Variants in KRT39 observed in about 807,000 individuals in gnomAD.
KRT39 encodes keratin 39.
A neutral mutation model predicts 54.8 loss-of-function variants in KRT39; 47 were observed. That is an observed-to-expected ratio of 0.86 (90% CI 0.68 to 1.09). The LOEUF is 1.09. KRT39 is among the 50% of genes least tolerant of loss of function. KRT39 has a pLI of 0.00. For missense variants in KRT39, 580 were observed against 598.5 expected (o/e 0.97, Z 0.32); for synonymous variants, 207 against 227.9 (o/e 0.91, Z 0.83).
Position 40,958,840 on chromosome 17 carries a change from C to T in KRT39, c.1237G>A (p.Ala413Thr), listed in dbSNP as rs766961418. The change falls in exon 7 of 7, where the codon GCC becomes ACC. Residue 413 changes from alanine to threonine, a missense_variant. Transcript: ENST00000355612. ...SDGKRPCYPR[A>T]TKCEPSPWTS... ...CAAGGGGAAGGCTCACATTTGGTGGCACGTGGGTAACAGGGACGCCTAAGG... is the reference window on the plus strand; with the variant it reads ...CAAGGGGAAGGCTCACATTTGGTGGTACGTGGGTAACAGGGACGCCTAAGG... The T allele has an allele frequency of 1.2e-6, 2 of 1,604,548 alleles. No homozygotes were observed. The highest frequency in any genetic ancestry group is 1.7e-6 in the Non-Finnish European group (2 of 1,175,304).
rs373687392 is a variant in KRT39 at position 40,964,511 on chromosome 17, G to A, written c.486C>T (p.Ala162=). 1.4e-5 allele frequency: 23 copies of A among 1,612,876 alleles called. No homozygotes were observed. The African/African-American group carries it at 1.9e-4, about 13-fold the overall frequency. The change falls in exon 2 of 7, where the codon GCC becomes GCT. Residue 162 remains alanine (A), a synonymous_variant. Coordinates refer to ENST00000355612, the MANE Select transcript of KRT39 (RefSeq NM_213656.4). ...TTTGCGAGACCAGTCTGGAATTCTC[G>A]GCCTTGGTACACAAGATCTAGAATT... ...ELQQKILCTK[A]ENSRLVSQID...
Position 40,958,563 on chromosome 17 carries a change from G to T in KRT39, c.*38C>A, listed in dbSNP as rs1279525645. 19 of 1,564,804 alleles carry T rather than the reference G, an allele frequency of 1.2e-5. No homozygotes were observed. Among genetic ancestry groups the T allele is most frequent in the Non-Finnish European group, 1.6e-5 (19 of 1,155,678 alleles). ...CTGGCAGGAGCATGTATTGGCCTCT[G>T]TTTCATAAATGTGGGTCATTTTCAT... On this transcript the variant is annotated 3_prime_UTR_variant, in exon 7 of 7. Transcript: ENST00000355612.
chr17:40,959,201 C>T (rs1036156765), intron 6 of KRT39, among the ~76,000 whole-genome samples: 3 of 152,206 alleles, frequency 2.0e-5, no homozygotes, highest in African/African-American at 7.2e-5. Context: ...TCATTTAACG[C>T]ACTCAACCTT....
rs558368832 is a variant in KRT39, at chr17:40,960,227, T to C, written c.1217+54A>G. 1,031 of 1,482,918 alleles carry C rather than the reference T, an allele frequency of 7.0e-4. 2 individuals carry two copies. Among genetic ancestry groups the C allele is most frequent in the Non-Finnish European group, 9.2e-4 (987 of 1,073,710 alleles). 91.9% of individuals were successfully genotyped at this position (1,482,918 alleles called of 1,614,324 possible). A position where few individuals can be genotyped will look rare whatever the true frequency, so the allele number is the denominator to read the frequency against. On this transcript the variant is annotated intron_variant, in intron 6 of 6. Transcript: ENST00000355612. ...CCCCTGTTGCCAGTGGCAGTACATA[T>C]ATCTGCGTTCATTTACACTTTTTTG...
intron 6 of KRT39, 81 bp downstream of exon 6, chr17:40,960,200 G>T: frequency 8.1e-7 from 1 of 1,235,310 alleles, no homozygotes; most frequent in South Asian, 1.3e-5. Flanking sequence ...CAAAGCACTT[G>T]ACCCCTGTTG....
Position 40,958,506 on chromosome 17 carries a change from C to T in KRT39, c.*95G>A. The T allele has an allele frequency of 1.4e-6, 2 of 1,424,468 alleles. No individual in the cohort carries two copies. The highest frequency in any genetic ancestry group is 1.9e-6 in the Non-Finnish European group (2 of 1,055,014). The allele number at this position is 1,424,468 out of a possible 1,614,324, so 88.2% of individuals were successfully genotyped here. ...GCTGTAGTAGTAAGAAACTAAGTACCTTAAGGGACTGGGGAGTTTTCTTAA... is the reference window on the plus strand; with the variant it reads ...GCTGTAGTAGTAAGAAACTAAGTACTTTAAGGGACTGGGGAGTTTTCTTAA... On this transcript the variant is annotated 3_prime_UTR_variant, in exon 7 of 7. Transcript: ENST00000355612.
chr17:40,961,712 C>T (rs1911158269), intron 5 of KRT39, among the ~76,000 whole-genome samples: 2 of 152,256 alleles, frequency 1.3e-5, no homozygotes, highest in South Asian at 4.1e-4. Context: ...CTGTAACATT[C>T]GTTAATAATT....
In KRT39 at chr17:40,963,496, A is replaced by G. The variant is rs957851521; in HGVS notation, c.708+131T>C. 8 of 774,894 alleles carry G rather than the reference A, an allele frequency of 1.0e-5. No homozygotes were observed. The African/African-American group carries it at 1.2e-4, about 12-fold the overall frequency. The allele number at this position is 774,894 out of a possible 1,614,324, so 48.0% of individuals were successfully genotyped here. Reference sequence around the variant, plus strand: ...TGTCCTTTATAAATTACCTACTCTCAGTTATTTCTTTATAGCAGTGTGAGA... The same window carrying G: ...TGTCCTTTATAAATTACCTACTCTCGGTTATTTCTTTATAGCAGTGTGAGA... On this transcript the variant is annotated intron_variant, in intron 3 of 6. Coordinates refer to ENST00000355612, the MANE Select transcript of KRT39 (RefSeq NM_213656.4).
At chr17:40,964,757 TTTG>T (rs1216902514) in intron 1 of KRT39, among the ~76,000 whole-genome samples, 6 of 136,832 alleles carry the variant, frequency 4.4e-5, no homozygotes, top group Non-Finnish European at 9.2e-5. Flanking sequence ...AAGTATTTTT[TTTG>T]TTGTTGTTGT....
intron 2 of KRT39, 169 bp downstream of exon 2, chr17:40,964,277 G>A (rs759253433): frequency 1.5e-6 from 1 of 653,950 alleles, no homozygotes; most frequent in Non-Finnish European, 2.8e-6. Flanking sequence ...GTATACATGT[G>A]AGCAGTTATT....
chr17:40,964,237 T>G (rs1360276602), intron 2 of KRT39: 7 of 560,436 alleles, frequency 1.2e-5, no homozygotes, highest in Non-Finnish European at 2.2e-5. Context: ...GGTAATCAAA[T>G]GGGTTCACAA....
rs756251039 is a variant in KRT39 at position 40,964,444 on chromosome 17, AC to A, written c.551+1del. 2.4e-5 allele frequency: 39 copies of A among 1,613,856 alleles called. No homozygotes were observed. Among genetic ancestry groups the A allele is most frequent in the Non-Finnish European group, 3.1e-5 (37 of 1,179,848 alleles). On this transcript the variant is annotated splice_donor_variant, in intron 2 of 6. Transcript: ENST00000355612. LOFTEE classifies it high-confidence loss of function. ...ATTGATGACGGTGTTGGGTGGGCTT[AC>A]TTGGCTCTCAAGTCATCTGCAGTCA...
At position 40,966,446 on chromosome 17, in the gene KRT39, A is replaced by G. The variant is rs1911399237; in HGVS notation, c.411T>C (p.Pro137=). ...KIQEESNKEL[P]VLCPDYLSYY... ...AAGACAGGTAATCAGGACATAGAAC[A>G]GGGAGCTCTTTGTTACTTTCTTCCT... Residue 137 remains proline (P), a synonymous_variant, in exon 1 of 7, where the codon CCT becomes CCC. Coordinates refer to ENST00000355612, the MANE Select transcript of KRT39 (RefSeq NM_213656.4). 6.2e-7 allele frequency: 1 copy of G among 1,614,078 alleles called. No individual in the cohort carries two copies. The highest frequency in any genetic ancestry group is 2.2e-5 in the East Asian group (1 of 44,900).
intron 5 of KRT39, 52 bp from the exon 6 acceptor site, chr17:40,960,553 C>A (rs1427871230): frequency 7.5e-7 from 1 of 1,331,470 alleles, no homozygotes; most frequent in South Asian, 1.2e-5. Context: ...AAGCCCAGGT[C>A]ACCTGTGACC....
Position 40,962,389 on chromosome 17 carries a change from C to T in KRT39, c.870+13G>A. 3 of 1,613,150 alleles carry T rather than the reference C, an allele frequency of 1.9e-6. No homozygotes were observed. The highest frequency in any genetic ancestry group is 2.5e-6 in the Non-Finnish European group (3 of 1,179,504). ...CATCAGCTTATTGTTTTTGACTTTT[C>T]TATATCCCCCACCTGCGTGTTGAAC... is the stretch of plus-strand genomic sequence containing the variant. On this transcript the variant is annotated intron_variant, in intron 4 of 6. Coordinates refer to ENST00000355612, the MANE Select transcript of KRT39 (RefSeq NM_213656.4).
chr17:40,958,814 C>T lies in KRT39; in HGVS notation c.1263G>A (p.Trp421Ter). ...PRATKCEPSP[W>*]TSCKSGAIES... is the part of the protein sequence containing the mutation. ...CTATGGCTCCGGACTTACAAGATGT[C>T]CAAGGGGAAGGCTCACATTTGGTGG... The change falls in exon 7 of 7, where the codon TGG (tryptophan) becomes TGA (stop). Residue 421 changes from tryptophan to a stop codon, truncating the protein, a stop_gained. Coordinates refer to ENST00000355612, the MANE Select transcript of KRT39 (RefSeq NM_213656.4). LOFTEE classifies it high-confidence loss of function. 1.2e-6 allele frequency: 2 copies of T among 1,612,252 alleles called. No individual in the cohort carries two copies. Among genetic ancestry groups the T allele is most frequent in the Non-Finnish European group, 1.7e-6 (2 of 1,179,192 alleles).
rs1174133600 is a variant in KRT39 at position 40,962,544 on chromosome 17, C to T, written c.728G>A (p.Cys243Tyr). 1.9e-6 allele frequency: 3 copies of T among 1,613,522 alleles called. No homozygotes were observed. The highest frequency in any genetic ancestry group is 3.3e-5 in the Admixed American group (2 of 59,864). Residue 243 changes from cysteine (C) to tyrosine (Y), a missense_variant, in exon 4 of 7, where the codon TGT becomes TAT. By Grantham distance (194) the Cys-to-Tyr change is radical. Coordinates refer to ENST00000355612, the MANE Select transcript of KRT39 (RefSeq NM_213656.4). ...AATGTCAAGTCTCTCCCCAAGCTGA[C>T]ACTGTAAAGAATTGATTTCCTAAGG... ...NHKEEINSLQ[C>Y]QLGERLDIEV... is the part of the protein sequence containing the mutation.
At chr17:40,960,617 C>A (rs1911115466) in intron 5 of KRT39, 116 bp from the exon 6 acceptor site, 1 of 712,978 alleles carries the variant, frequency 1.4e-6, no homozygotes, top group Non-Finnish European at 2.4e-6. Flanking sequence ...GATCTCCAAG[C>A]ACTTTATTTA....
rs1221586080 is a variant in KRT39, at chr17:40,964,528, T to A, written c.469A>T (p.Ile157Phe). 3.7e-6 allele frequency: 6 copies of A among 1,604,742 alleles called. No homozygotes were observed. Among genetic ancestry groups the A allele is most frequent in the Non-Finnish European group, 5.1e-6 (6 of 1,171,378 alleles). The change falls in exon 2 of 7, where the codon ATC becomes TTC. Residue 157 changes from isoleucine (I) to phenylalanine (F), a missense_variant and splice_region_variant. Coordinates refer to ENST00000355612, the MANE Select transcript of KRT39 (RefSeq NM_213656.4). ...YTTIEELQQK[I>F]LCTKAENSRL... ...GAATTCTCGGCCTTGGTACACAAGA[T>A]CTAGAATTAAGAGATTGTACACACA...
Sources: gnomAD v4.1 joint callset for allele counts (sites outside exome capture counted in the v4.1 genomes callset) on GRCh38, gnomAD v4.1.1 for gene constraint, MANE v1.5 for transcripts, NCBI Gene and HGNC (gene_info 2026-07-23, HGNC 2026-07-21) for gene names.